Variants in FAT4 observed in about 807,000 individuals in gnomAD.
FAT4 encodes FAT atypical cadherin 4.
FAT4 carries 84 observed loss-of-function variants against 303.9 expected under a neutral mutation model. That is an observed-to-expected ratio of 0.28 (90% CI 0.23 to 0.33). FAT4 has a LOEUF of 0.33. Among genes scored for constraint, FAT4 ranks in the 10% least tolerant of loss-of-function variants. FAT4 has a pLI of 1.00. For missense variants in FAT4, 6,005 were observed against 6,146.8 expected (o/e 0.98, Z 0.77); for synonymous variants, 2,307 against 2,298.8 (o/e 1.00, Z -0.10).
intron 3 of FAT4, 69 bp downstream of exon 3, chr4:125,398,984 G>A: frequency 6.8e-7 from 1 of 1,467,272 alleles, no homozygotes; most frequent in Non-Finnish European, 9.5e-7. Flanking sequence ...TCTAGGATAT[G>A]TTGACTACTT....
Position 125,316,773 on chromosome 4 carries a change from T to C in FAT4, c.362T>C (p.Val121Ala), listed in dbSNP as rs762456938. 29 of 1,614,010 alleles carry C rather than the reference T, an allele frequency of 1.8e-5. No individual in the cohort carries two copies. The highest frequency in any genetic ancestry group is 2.2e-5 in the Non-Finnish European group (26 of 1,180,002). The change falls in exon 2 of 18, where the codon GTG becomes GCG. Residue 121 changes from valine (V) to alanine (A), a missense_variant. By Grantham distance (64) the Val-to-Ala change is moderately conservative. Transcript: ENST00000394329. The surrounding 1 kb of genome is among the most constrained non-coding windows in gnomAD (Gnocchi z 5.7). The part of the protein sequence containing the change: ...LSSAPTYPTE[V>A]RVLVRDLNDN... ...AGCGCGCCCACCTACCCCACCGAAG[T>C]GCGAGTGCTGGTGCGGGACCTCAAT...
At chr4:125,459,753 G>C (rs1257821369) in intron 10 of FAT4, among the ~76,000 whole-genome samples, 1 of 152,072 alleles carries the variant, frequency 6.6e-6, no homozygotes, top group Admixed American at 6.6e-5. Flanking sequence ...TAATTGACTT[G>C]TAGCATTAAT....
intron 2 of FAT4, among the ~76,000 whole-genome samples, chr4:125,366,303 T>C (rs563471134): frequency 6.6e-6 from 1 of 152,264 alleles, no homozygotes; most frequent in Admixed American, 6.5e-5. Flanking sequence ...TCTATGTGTT[T>C]ATATGTTCTC....
intron 6 of FAT4, 36 bp from the exon 7 acceptor site, chr4:125,416,412 T>G: frequency 6.5e-7 from 1 of 1,537,690 alleles, no homozygotes; most frequent in Non-Finnish European, 8.8e-7. Context: ...ATGCATTGTT[T>G]GTTTTACTCA....
At chr4:125,359,327 T>C (rs984848402) in intron 2 of FAT4, among the ~76,000 whole-genome samples, 1 of 152,154 alleles carries the variant, frequency 6.6e-6, no homozygotes, top group African/African-American at 2.4e-5. Flanking sequence ...TTTTAATGGA[T>C]GTTGTTGTTT....
chr4:125,437,352 G>C (rs908106481), intron 8 of FAT4, among the ~76,000 whole-genome samples: 4 of 152,186 alleles, frequency 2.6e-5, no homozygotes, highest in Non-Finnish European at 4.4e-5. Flanking sequence ...AAGGTCTGAA[G>C]TTAAGGAGGC....
chr4:125,443,338 A>G (rs1387270756), intron 8 of FAT4, among the ~76,000 whole-genome samples: 1 of 152,190 alleles, frequency 6.6e-6, no homozygotes, highest in African/African-American at 2.4e-5. Context: ...AACAAATTCT[A>G]TATTGACACA....
intron 10 of FAT4, among the ~76,000 whole-genome samples, chr4:125,461,146 C>G (rs1271382008): frequency 6.6e-6 from 1 of 151,958 alleles, no homozygotes; most frequent in Non-Finnish European, 1.5e-5. Flanking sequence ...CCACTCCTCA[C>G]TCTGGAGTAA....
chr4:125,491,475 G>A lies in FAT4; in HGVS notation c.14659G>A (p.Gly4887Arg), dbSNP rs867281063. 6.2e-7 allele frequency: 1 copy of A among 1,614,176 alleles called. No homozygotes were observed. The change falls in exon 18 of 18, where the codon GGA (glycine) becomes AGA (arginine). Residue 4887 changes from glycine to arginine, a missense_variant. Gly to Arg is a moderately radical substitution (Grantham distance 125). Transcript: ENST00000394329. ...TGATGCAGATGATGAAGATAATTAT[G>A]GAGCCAGACTGAAGCCTCGAAGGTA... ...ESDADDEDNY[G>R]ARLKPRRYHG...
chr4:125,450,576 T>C lies in FAT4; in HGVS notation c.9566T>C (p.Val3189Ala). 6.2e-7 allele frequency: 1 copy of C among 1,614,132 alleles called. No homozygotes were observed. ...YCSVTVNVID[V>A]NDNSPVFLSD... is the part of the protein sequence containing the mutation. ...AGTGTGACCGTAAATGTGATTGATG[T>C]GAATGATAATTCTCCAGTATTCCTC... The change falls in exon 10 of 18, where the codon GTG becomes GCG. Residue 3189 changes from valine (V) to alanine (A), a missense_variant. Val to Ala is a moderately conservative substitution (Grantham distance 64). Coordinates refer to ENST00000394329, the MANE Select transcript of FAT4 (RefSeq NM_001291303.3).
At chr4:125,349,031 C>T (rs1035450089) in intron 2 of FAT4, among the ~76,000 whole-genome samples, 17 of 151,702 alleles carry the variant, frequency 1.1e-4, no homozygotes, top group Middle Eastern at 3.4e-3. Context: ...ATTTAGTTTT[C>T]GTTACCACGA....
At chr4:125,486,995 A>G (rs1727433061) in intron 16 of FAT4, among the ~76,000 whole-genome samples, 1 of 152,170 alleles carries the variant, frequency 6.6e-6, no homozygotes, top group Non-Finnish European at 1.5e-5. Context: ...AACACACTCC[A>G]ATGGCAGGTT....
Position 125,414,903 on chromosome 4 carries a change from T to C in FAT4, c.5940T>C (p.Thr1980=). 6.2e-7 allele frequency: 1 copy of C among 1,601,322 alleles called. No individual in the cohort carries two copies. Among genetic ancestry groups the C allele is most frequent in the African/African-American group, 1.3e-5 (1 of 74,730 alleles). ...DADDGINSQL[T]YSIASGDSLG... ...TTTCAGGCATCAACTCTCAATTGAC[T>C]TATAGCATTGCTTCAGGTGATAGCC... The change falls in exon 6 of 18, where the codon ACT becomes ACC. Residue 1980 remains threonine (T), a synonymous_variant. Coordinates refer to ENST00000394329, the MANE Select transcript of FAT4 (RefSeq NM_001291303.3).
At chr4:125,366,753 C>T (rs28375283) in intron 2 of FAT4, among the ~76,000 whole-genome samples, 6,134 of 152,034 alleles carry the variant, frequency 0.04, 394 homozygotes, top group African/African-American at 0.13. Flanking sequence ...GAAAGCTTGC[C>T]AGCATCTGTT....
In FAT4 at chr4:125,319,342, C is replaced by G. The variant is rs766899496; in HGVS notation, c.2931C>G (p.Ser977=). ...CTGACATGGGTGTCCCACAGCTCTC[C>G]TCTAGTGTCATCTTAACAGTTTATG... ...LASDMGVPQL[S]SSVILTVYVH... is the part of the protein sequence containing the mutation. The change falls in exon 2 of 18, where the codon TCC becomes TCG. Residue 977 remains serine, a synonymous_variant. Transcript: ENST00000394329. 1.2e-6 allele frequency: 2 copies of G among 1,613,432 alleles called. No individual in the cohort carries two copies. Among genetic ancestry groups the G allele is most frequent in the East Asian group, 4.5e-5 (2 of 44,872 alleles).
At chr4:125,355,638 T>TC (rs2125981344) in intron 2 of FAT4, among the ~76,000 whole-genome samples, 1 of 152,198 alleles carries the variant, frequency 6.6e-6, no homozygotes, top group African/African-American at 2.4e-5. Context: ...CACATGCCTT[T>TC]TATGATACAG....
chr4:125,450,550 C>T lies in FAT4; in HGVS notation c.9540C>T (p.Cys3180=), dbSNP rs771872072. 2.5e-6 allele frequency: 4 copies of T among 1,614,142 alleles called. No homozygotes were observed. Among genetic ancestry groups the T allele is most frequent in the Non-Finnish European group, 3.4e-6 (4 of 1,180,002 alleles). The change falls in exon 10 of 18, where the codon TGC becomes TGT. Residue 3180 remains cysteine (C), a synonymous_variant. Coordinates refer to ENST00000394329, the MANE Select transcript of FAT4 (RefSeq NM_001291303.3). ...GATGGGTTGCAAGAACTGGTTACTG[C>T]AGTGTGACCGTAAATGTGATTGATG... is the stretch of plus-strand genomic sequence containing the variant. ...DGGWVARTGY[C]SVTVNVIDVN...
At chr4:125,370,411 G>A (rs963158612) in intron 2 of FAT4, among the ~76,000 whole-genome samples, 2 of 151,664 alleles carry the variant, frequency 1.3e-5, no homozygotes, top group Admixed American at 6.6e-5. Context: ...ACAACATGAG[G>A]GATTATGCCT....
At chr4:125,456,561 T>C (rs909660554) in intron 10 of FAT4, among the ~76,000 whole-genome samples, 11 of 152,178 alleles carry the variant, frequency 7.2e-5, no homozygotes, top group South Asian at 2.1e-4. Context: ...TTGTATTTTG[T>C]AGGAAACAAT....
Sources: gnomAD v4.1 joint callset for allele counts (sites outside exome capture counted in the v4.1 genomes callset) on GRCh38, gnomAD v4.1.1 for gene constraint, Gnocchi (gnomAD v3.1) non-coding constraint, MANE v1.5 for transcripts, NCBI Gene and HGNC (gene_info 2026-07-23, HGNC 2026-07-21) for gene names.